HSD17B14: variants seen among roughly 807,000 people sequenced by gnomAD.
HSD17B14 encodes hydroxysteroid 17-beta dehydrogenase 14.
A neutral mutation model predicts 32.2 loss-of-function variants in HSD17B14; 32 were observed. That is an observed-to-expected ratio of 0.99 (90% CI 0.75 to 1.33). The LOEUF (loss-of-function observed/expected upper bound fraction) is 1.33. Ranked by LOEUF, HSD17B14 falls within the 40% of genes most tolerant of loss-of-function variation. The pLI is 0.00. For missense variants in HSD17B14, 370 were observed against 366.5 expected (o/e 1.01, Z -0.08); for synonymous variants, 140 against 155.4 (o/e 0.90, Z 0.74).
rs1199520631 is a variant in HSD17B14, at chr19:48,813,211, C to T, written c.777G>A (p.Arg259=). The change falls in exon 9 of 9, where the codon CGG becomes CGA. Residue 259 remains arginine, a synonymous_variant. Coordinates refer to ENST00000263278, the MANE Select transcript of HSD17B14 (RefSeq NM_016246.3). The part of the protein sequence containing the change: ...AELGYGCKAS[R]STPVDAPDIP... ...TATCGGGGGCGTCCACGGGGGTGCT[C>T]CGACTGGCCTTGCACCCGTACCCCA... The T allele has an allele frequency of 6.2e-7, 1 of 1,608,668 alleles. No homozygotes were observed. Among genetic ancestry groups the T allele is most frequent in the East Asian group, 2.2e-5 (1 of 44,814 alleles).
intron 1 of HSD17B14, 53 bp downstream of exon 1, chr19:48,836,271 C>T: frequency 6.4e-7 from 1 of 1,556,062 alleles, no homozygotes; most frequent in Non-Finnish European, 8.8e-7. Context: ...TCACCCCGCC[C>T]CCATCCTTCC....
At chr19:48,816,497 A>G (rs2035053398) in intron 5 of HSD17B14, among the ~76,000 whole-genome samples, 1 of 152,152 alleles carries the variant, frequency 6.6e-6, no homozygotes, top group Non-Finnish European at 1.5e-5. Context: ...GTGGCCAGCC[A>G]TCCCAGTTTG....
At chr19:48,824,132 G>T (rs1484092654) in intron 5 of HSD17B14, among the ~76,000 whole-genome samples, 3 of 147,912 alleles carry the variant, frequency 2.0e-5, no homozygotes, top group Non-Finnish European at 4.5e-5. Context: ...GTACATGTCT[G>T]TAGTCCAGCT....
At chr19:48,816,801 TTC>T (rs1162397145) in intron 5 of HSD17B14, among the ~76,000 whole-genome samples, 1 of 115,076 alleles carries the variant, frequency 8.7e-6, no homozygotes, top group East Asian at 2.3e-4. Context: ...CTTTCTTTCT[TTC>T]TTTCTTTCTT....
chr19:48,834,563 G>A (rs1380490904), intron 2 of HSD17B14, among the ~76,000 whole-genome samples: 56 of 80,450 alleles, frequency 7.0e-4, no homozygotes, highest in Middle Eastern at 5.4e-3. Context: ...GGAAGGGCTG[G>A]GAGCCTGGAC....
intron 5 of HSD17B14, among the ~76,000 whole-genome samples, chr19:48,826,220 T>C (rs556208355): frequency 6.6e-6 from 1 of 151,508 alleles, no homozygotes; most frequent in South Asian, 2.1e-4. Flanking sequence ...AGGCCGGACA[T>C]GGTGGCTTAC....
intron 5 of HSD17B14, among the ~76,000 whole-genome samples, chr19:48,826,901 C>G (rs1299793131): frequency 6.6e-6 from 1 of 151,932 alleles, no homozygotes; most frequent in Non-Finnish European, 1.5e-5. Context: ...GATCTCATGC[C>G]CAATGCCCAT....
chr19:48,819,603 C>CGAGA (rs976544551), intron 5 of HSD17B14, among the ~76,000 whole-genome samples: 2 of 152,178 alleles, frequency 1.3e-5, no homozygotes, highest in Non-Finnish European at 2.9e-5. Flanking sequence ...GCCCTGCCAT[C>CGAGA]TCTTTCTCCA....
At position 48,835,965 on chromosome 19, in the gene HSD17B14, C is replaced by A. The variant is rs2035504094; in HGVS notation, c.89-122G>T. ...CCTCGTGACCCCAGTCTCATGATCA[C>A]CCATAGGACAGAGGGCAGACGCCTT... On this transcript the variant is annotated intron_variant, in intron 1 of 8. Coordinates refer to ENST00000263278, the MANE Select transcript of HSD17B14 (RefSeq NM_016246.3). 4 of 837,948 alleles carry A rather than the reference C, an allele frequency of 4.8e-6. 1 individual carries two copies. The Admixed American group carries it at 8.7e-5, about 18-fold the overall frequency. The allele number at this position is 837,948 out of a possible 1,614,324, so 51.9% of individuals were successfully genotyped here.
chr19:48,831,424 G>A (rs964653437), intron 5 of HSD17B14, among the ~76,000 whole-genome samples: 2 of 152,024 alleles, frequency 1.3e-5, no homozygotes, highest in African/African-American at 4.8e-5. Context: ...TTTGTGGCCC[G>A]CACCTGTAAT....
At chr19:48,835,374 A>G (rs1325810848) in intron 2 of HSD17B14, among the ~76,000 whole-genome samples, 62 of 58,914 alleles carry the variant, frequency 1.1e-3, no homozygotes, top group Middle Eastern at 0.014. Context: ...GGAGGGGCTG[A>G]GGTCTGGACT....
At position 48,831,777 on chromosome 19, in the gene HSD17B14, A is replaced by T; in HGVS notation, c.278-18T>A. The T allele has an allele frequency of 6.6e-7, 1 of 1,508,650 alleles. No individual in the cohort carries two copies. The highest frequency in any genetic ancestry group is 9.2e-7 in the Non-Finnish European group (1 of 1,087,036). The allele number at this position is 1,508,650 out of a possible 1,614,324, so 93.5% of individuals were successfully genotyped here. ...GGGTGGGTCTAAAGTGGGGGGTGAG[A>T]GAGAGAGGAAAAGTGACGGGGGCTG... On this transcript the variant is annotated intron_variant, in intron 4 of 8. Coordinates refer to ENST00000263278, the MANE Select transcript of HSD17B14 (RefSeq NM_016246.3).
intron 5 of HSD17B14, among the ~76,000 whole-genome samples, chr19:48,818,606 C>T (rs189256704): frequency 2.0e-5 from 3 of 152,108 alleles, no homozygotes; most frequent in East Asian, 1.9e-4. Flanking sequence ...CACCCCAGCA[C>T]GAGGCACACA....
At chr19:48,833,272 G>T (rs754601818) in intron 3 of HSD17B14, among the ~76,000 whole-genome samples, 9 of 151,662 alleles carry the variant, frequency 5.9e-5, no homozygotes, top group Non-Finnish European at 1.2e-4. Context: ...CAGGGTCAGG[G>T]GGTGGGGCAG....
At chr19:48,836,251 TCCGCCCCCATCACC>T (rs949291382) in intron 1 of HSD17B14, 59 bp downstream of exon 1, 10 of 1,443,026 alleles carry the variant, frequency 6.9e-6, no homozygotes, top group African/African-American at 5.7e-5. Flanking sequence ...GTCCCTATTT[TCCGCCCCCATCACC>T]CCGCCCCCAT....
intron 4 of HSD17B14, 29 bp downstream of exon 4, chr19:48,832,637 G>A (rs767927839): frequency 2.5e-6 from 4 of 1,602,346 alleles, no homozygotes; most frequent in Non-Finnish European, 2.6e-6. Context: ...GCAGGAGGTG[G>A]AGAATGGCCC....
At chr19:48,814,850 A>T (rs112174343) in intron 6 of HSD17B14, among the ~76,000 whole-genome samples, 187 bp downstream of exon 6, 1 of 122,974 alleles carries the variant, frequency 8.1e-6, no homozygotes, top group Non-Finnish European at 1.8e-5. Context: ...AAAAAAAAAA[A>T]AAGAAAAGAA....
At chr19:48,830,981 A>G (rs577573311) in intron 5 of HSD17B14, among the ~76,000 whole-genome samples, 1 of 151,982 alleles carries the variant, frequency 6.6e-6, no homozygotes, top group South Asian at 2.1e-4. Context: ...TGGGACTACA[A>G]GGGCACCACT....
intron 5 of HSD17B14, among the ~76,000 whole-genome samples, chr19:48,829,628 G>A (rs957300237): frequency 2.2e-5 from 3 of 134,332 alleles, no homozygotes; most frequent in Admixed American, 7.7e-5. Context: ...TGAGCTACCA[G>A]GCCTGGCTTT....
Sources: allele counts gnomAD v4.1 joint callset (sites outside exome capture counted in the v4.1 genomes callset), GRCh38; gene constraint gnomAD v4.1.1; transcripts MANE v1.5; gene names NCBI Gene and HGNC (gene_info 2026-07-23, HGNC 2026-07-21).